NRG3: variants seen among roughly 807,000 people sequenced by gnomAD.
NRG3 encodes neuregulin 3, also known as pro-neuregulin-3, membrane-bound isoform.
NRG3 carries 31 observed loss-of-function variants against 66.9 expected under a neutral mutation model. The observed-to-expected ratio is 0.46, with a 90% confidence interval of 0.35 to 0.63. The LOEUF is 0.63. NRG3 is among the 20% of genes least tolerant of loss of function. NRG3 has a pLI of 0.00. For synonymous variants in NRG3, 393 were observed against 359.4 expected (o/e 1.09, Z -1.06); for missense variants, 910 against 878.9 (o/e 1.04, Z -0.45).
intron 2 of NRG3, among the ~76,000 whole-genome samples, chr10:82,631,244 G>A (rs1394175562): frequency 1.3e-5 from 2 of 152,126 alleles, no homozygotes; most frequent in Non-Finnish European, 2.9e-5. Flanking sequence ...AAGAAATATT[G>A]TAAATGGATA....
intron 2 of NRG3, among the ~76,000 whole-genome samples, chr10:82,696,900 A>C (rs2134249639): frequency 6.6e-6 from 1 of 152,326 alleles, no homozygotes; most frequent in South Asian, 2.1e-4. Flanking sequence ...TGAATTACTT[A>C]AAGGCCACTG....
chr10:82,959,188 T>A lies in NRG3; in HGVS notation c.1284+113T>A, dbSNP rs1202182109. 4.0e-6 allele frequency: 5 copies of A among 1,240,682 alleles called. No individual in the cohort carries two copies. In the Admixed American group the frequency reaches 8.9e-5, roughly 22 times the overall value. 76.9% of individuals were successfully genotyped at this position (1,240,682 alleles called of 1,614,324 possible). ...AATATTTTTCAGAGCTTTATAGGGT[T>A]TTGCTTAAATCGTTTTAACAGTTCT... On this transcript the variant is annotated intron_variant, in intron 6 of 8. Coordinates refer to ENST00000372141, the MANE Select transcript of NRG3 (RefSeq NM_001010848.4).
At chr10:82,040,771 G>C (rs2062997254) in intron 1 of NRG3, among the ~76,000 whole-genome samples, 1 of 152,018 alleles carries the variant, frequency 6.6e-6, no homozygotes, top group Non-Finnish European at 1.5e-5. Flanking sequence ...ACCTGCTGCT[G>C]TCAGAAAAAG....
At chr10:82,530,111 G>T (rs578153392) in intron 2 of NRG3, among the ~76,000 whole-genome samples, 2 of 152,128 alleles carry the variant, frequency 1.3e-5, no homozygotes, top group South Asian at 4.1e-4. Context: ...TAATTTCAAC[G>T]CTACAAGAAA....
intron 2 of NRG3, among the ~76,000 whole-genome samples, chr10:82,490,340 A>G (rs1000185163): frequency 1.3e-5 from 2 of 152,110 alleles, no homozygotes; most frequent in Non-Finnish European, 2.9e-5. Context: ...ATACTGCTCA[A>G]TCGATGACCA....
chr10:82,030,774 T>G lies in NRG3; in HGVS notation c.823+154611T>G, dbSNP rs200700111. ...AAGGAGAAAATGAATATAAAAGAAATAAATGAAGGACAAGTTTGCAAAAAA... is the reference window on the plus strand; with the variant it reads ...AAGGAGAAAATGAATATAAAAGAAAGAAATGAAGGACAAGTTTGCAAAAAA... On this transcript the variant is annotated intron_variant, in intron 1 of 8. Coordinates refer to ENST00000372141, the MANE Select transcript of NRG3 (RefSeq NM_001010848.4). Among the ~76,000 whole-genome samples the G allele has an allele frequency of 3.4e-5, 5 of 149,226 alleles. No homozygotes were observed. The East Asian group carries it at 9.8e-4, about 29-fold the overall frequency.
intron 2 of NRG3, among the ~76,000 whole-genome samples, chr10:82,533,368 A>C (rs1445550171): frequency 6.6e-6 from 1 of 152,086 alleles, no homozygotes; most frequent in Non-Finnish European, 1.5e-5. Context: ...ACTGGCAAAA[A>C]CAATGTCATG....
At chr10:82,643,547 A>G (rs2050724407) in intron 2 of NRG3, among the ~76,000 whole-genome samples, 1 of 152,110 alleles carries the variant, frequency 6.6e-6, no homozygotes, top group South Asian at 2.1e-4. Context: ...ATGATTAATA[A>G]TATATTATTG....
intron 3 of NRG3, among the ~76,000 whole-genome samples, chr10:82,769,224 A>G (rs1295255028): frequency 6.6e-6 from 1 of 152,138 alleles, no homozygotes. Flanking sequence ...AGGATATTAC[A>G]TAATTCTCAT....
At chr10:82,626,116 C>T (rs1011207177) in intron 2 of NRG3, among the ~76,000 whole-genome samples, 10 of 152,134 alleles carry the variant, frequency 6.6e-5, no homozygotes, top group African/African-American at 2.4e-4. Context: ...GGACCCTCAT[C>T]ATTACCCATT....
intron 1 of NRG3, among the ~76,000 whole-genome samples, chr10:82,028,686 G>T (rs2062427566): frequency 1.3e-5 from 2 of 152,070 alleles, no homozygotes; most frequent in African/African-American, 4.8e-5. Flanking sequence ...ACTCTGGGGT[G>T]CTTATTGTTA....
At chr10:82,799,624 G>C (rs1009987310) in intron 3 of NRG3, 1 of 151,970 alleles carries the variant, frequency 6.6e-6, no homozygotes, top group Non-Finnish European at 1.5e-5. Flanking sequence ...AATACAGGCA[G>C]AAGCCATGTA....
At chr10:82,675,080 C>G (rs2053581304) in intron 2 of NRG3, among the ~76,000 whole-genome samples, 1 of 151,832 alleles carries the variant, frequency 6.6e-6, no homozygotes, top group Admixed American at 6.6e-5. Flanking sequence ...CTCCCCAACC[C>G]CCTGAGTAGC....
At chr10:82,651,068 G>A (rs752418168) in intron 2 of NRG3, among the ~76,000 whole-genome samples, 4 of 152,226 alleles carry the variant, frequency 2.6e-5, no homozygotes, top group African/African-American at 9.6e-5. Context: ...AAGGCAGAAA[G>A]CAACAGGAGG....
At chr10:81,946,650 T>G (rs2133147257) in intron 1 of NRG3, among the ~76,000 whole-genome samples, 1 of 152,194 alleles carries the variant, frequency 6.6e-6, no homozygotes, top group Non-Finnish European at 1.5e-5. Context: ...TTAATAAGAA[T>G]AACATGTGCA....
intron 4 of NRG3, among the ~76,000 whole-genome samples, chr10:82,917,970 GTATA>G (rs1171736937): frequency 8.8e-6 from 1 of 114,016 alleles, no homozygotes; most frequent in African/African-American, 3.7e-5. Flanking sequence ...GTGTGTGTGT[GTATA>G]TATATATATA....
intron 2 of NRG3, among the ~76,000 whole-genome samples, chr10:82,563,446 A>G (rs1374471917): frequency 6.6e-6 from 1 of 152,110 alleles, no homozygotes; most frequent in East Asian, 1.9e-4. Context: ...TAATCATGCA[A>G]TATGGCTATT....
intron 1 of NRG3, among the ~76,000 whole-genome samples, chr10:82,070,000 A>G (rs1208084611): frequency 6.6e-6 from 1 of 152,218 alleles, no homozygotes; most frequent in Admixed American, 6.5e-5. Flanking sequence ...TTGATTAAAC[A>G]CCATCTGCAA....
At chr10:82,535,309 C>T (rs988984791) in intron 2 of NRG3, among the ~76,000 whole-genome samples, 6 of 151,462 alleles carry the variant, frequency 4.0e-5, no homozygotes, top group Admixed American at 1.3e-4. Context: ...ACTGTCATGT[C>T]GGAAATCTGT....
Sources: gnomAD v4.1 joint callset for allele counts (sites outside exome capture counted in the v4.1 genomes callset) on GRCh38, gnomAD v4.1.1 for gene constraint, MANE v1.5 for transcripts, NCBI Gene and HGNC (gene_info 2026-07-23, HGNC 2026-07-21) for gene names.